The following SORCS1 variants were observed in gnomAD, a reference collection of about 807,000 sequenced individuals.
SORCS1 encodes VPS10 domain-containing receptor SorCS1.
Under a neutral mutation model 146.1 loss-of-function variants are expected in SORCS1, and 60 were observed. That is an observed-to-expected ratio of 0.41 (90% CI 0.33 to 0.51). The LOEUF (loss-of-function observed/expected upper bound fraction) is 0.51. Among genes scored for constraint, SORCS1 ranks in the 20% least tolerant of loss-of-function variants. The probability of loss-of-function intolerance (pLI) is 0.21; values close to 1 mark genes in which losing one functional copy is unlikely to be tolerated. For missense variants in SORCS1, 1,352 were observed against 1,487.6 expected (o/e 0.91, Z 1.50); for synonymous variants, 637 against 584.0 (o/e 1.09, Z -1.31).
At chr10:106,909,237 C>G (rs780416606) in intron 2 of SORCS1, among the ~76,000 whole-genome samples, 1 of 152,226 alleles carries the variant, frequency 6.6e-6, no homozygotes, top group Non-Finnish European at 1.5e-5. Flanking sequence ...GCCTGGCTGC[C>G]TTGCTTGCCC....
intron 6 of SORCS1, among the ~76,000 whole-genome samples, chr10:106,720,906 G>T (rs1255054096): frequency 1.3e-5 from 2 of 151,956 alleles, no homozygotes; most frequent in Non-Finnish European, 2.9e-5. Flanking sequence ...TCACTATCAG[G>T]CTTTTCAATG....
intron 23 of SORCS1, among the ~76,000 whole-genome samples, chr10:106,597,814 TAATA>T (rs1404904697): frequency 6.6e-6 from 1 of 152,222 alleles, no homozygotes; most frequent in Non-Finnish European, 1.5e-5. Context: ...CCGATAAGAT[TAATA>T]TATATTCATT....
At chr10:106,623,985 C>T (rs1847921569) in intron 19 of SORCS1, among the ~76,000 whole-genome samples, 1 of 152,148 alleles carries the variant, frequency 6.6e-6, no homozygotes, top group Admixed American at 6.5e-5. Context: ...GCGCCCAACC[C>T]TCACTCAATA....
chr10:106,777,411 A>G (rs1860528424), intron 3 of SORCS1, among the ~76,000 whole-genome samples: 1 of 152,232 alleles, frequency 6.6e-6, no homozygotes, highest in Non-Finnish European at 1.5e-5. Context: ...ACTAAGGTCC[A>G]GTATGCATGG....
At chr10:106,851,331 A>C (rs1054427167) in intron 2 of SORCS1, among the ~76,000 whole-genome samples, 2 of 152,148 alleles carry the variant, frequency 1.3e-5, no homozygotes, top group East Asian at 3.8e-4. Context: ...TCTGCATTTT[A>C]CATTTAGGTC....
Position 106,577,459 on chromosome 10 carries a change from C to T in SORCS1, c.3468G>A (p.Thr1156=), listed in dbSNP as rs931166469. ...QRARHATPPS[T]PKRGSAGAQY... ...GTGCCCCAGCAGATCCCCGCTTTGG[C>T]GTTGAAGGCGGAGTGGCGTGTCTTG... Residue 1156 remains threonine (T), a synonymous_variant, in exon 26 of 26, where the codon ACG becomes ACA. Coordinates refer to ENST00000263054, the MANE Select transcript of SORCS1 (RefSeq NM_052918.5). 1.5e-5 allele frequency: 23 copies of T among 1,537,970 alleles called. No individual in the cohort carries two copies. The highest frequency in any genetic ancestry group is 2.8e-5 in the African/African-American group (2 of 71,890).
rs375954320 is a variant in SORCS1 at position 106,577,287 on chromosome 10, T to C, written c.*133A>G. ...TCTCAGCAACTATGGAAATACTTCC[T>C]GGCAAAATAGGAAACAGAACAACAA... is the stretch of plus-strand genomic sequence containing the variant. On this transcript the variant is annotated 3_prime_UTR_variant, in exon 26 of 26. Coordinates refer to ENST00000263054, the MANE Select transcript of SORCS1 (RefSeq NM_052918.5). The C allele has an allele frequency of 6.2e-7, 1 of 1,607,974 alleles. No individual in the cohort carries two copies. Among genetic ancestry groups the C allele is most frequent in the Non-Finnish European group, 8.5e-7 (1 of 1,176,636 alleles).
chr10:106,984,118 G>C (rs1379958278), intron 1 of SORCS1, among the ~76,000 whole-genome samples: 1 of 152,096 alleles, frequency 6.6e-6, no homozygotes, highest in Non-Finnish European at 1.5e-5. Context: ...ATTTTAAAAG[G>C]CTGACATATT....
chr10:107,037,331 C>A (rs1261244110), intron 1 of SORCS1, among the ~76,000 whole-genome samples: 1 of 152,208 alleles, frequency 6.6e-6, no homozygotes, highest in African/African-American at 2.4e-5. Flanking sequence ...CATGGTGACA[C>A]AAGTTATGTA....
chr10:107,089,856 A>G (rs772883710), intron 1 of SORCS1, among the ~76,000 whole-genome samples: 4 of 152,238 alleles, frequency 2.6e-5, no homozygotes, highest in Non-Finnish European at 4.4e-5. Flanking sequence ...AAGTTCTTAC[A>G]GTCTCAAAAT....
intron 4 of SORCS1, among the ~76,000 whole-genome samples, chr10:106,766,429 T>A (rs1859579161): frequency 1.3e-5 from 2 of 152,194 alleles, no homozygotes; most frequent in African/African-American, 4.8e-5. Flanking sequence ...ATGCCAGGCC[T>A]GAGGCATCAC....
At chr10:106,866,360 A>G (rs1442131390) in intron 2 of SORCS1, among the ~76,000 whole-genome samples, 1 of 152,134 alleles carries the variant, frequency 6.6e-6, no homozygotes. Flanking sequence ...GGTTGGGCCC[A>G]TCGCACAGAC....
At chr10:106,975,056 C>G (rs1955936521) in intron 1 of SORCS1, among the ~76,000 whole-genome samples, 2 of 152,172 alleles carry the variant, frequency 1.3e-5, no homozygotes, top group Non-Finnish European at 2.9e-5. Flanking sequence ...AGGCCAAAGG[C>G]TTGGGTTTTA....
At chr10:107,131,920 A>G (rs1468517882) in intron 1 of SORCS1, among the ~76,000 whole-genome samples, 1 of 152,156 alleles carries the variant, frequency 6.6e-6, no homozygotes, top group African/African-American at 2.4e-5. Flanking sequence ...TTTCTTGTCC[A>G]CTGCCCTTAG....
intron 6 of SORCS1, among the ~76,000 whole-genome samples, chr10:106,722,548 G>A (rs536981623): frequency 6.6e-6 from 1 of 152,302 alleles, no homozygotes; most frequent in East Asian, 1.9e-4. Context: ...CATTTTCACA[G>A]TTGGTTAAAG....
At chr10:106,979,669 C>G (rs1956172331) in intron 1 of SORCS1, among the ~76,000 whole-genome samples, 1 of 152,172 alleles carries the variant, frequency 6.6e-6, no homozygotes, top group African/African-American at 2.4e-5. Context: ...GTGGCAGCTA[C>G]CTGCTGCTTG....
At chr10:107,178,718 C>G in the SORCS1 span, among the ~76,000 whole-genome samples, 4 of 152,038 alleles carry the variant, frequency 2.6e-5, no homozygotes, top group African/African-American at 4.8e-5. Context: ...AAACTCCTGA[C>G]CTCAAGTGAT....
intron 1 of SORCS1, among the ~76,000 whole-genome samples, chr10:107,091,963 G>A (rs1295465154): frequency 1.3e-5 from 2 of 152,228 alleles, no homozygotes; most frequent in African/African-American, 4.8e-5. Flanking sequence ...ACACGACACT[G>A]CACATCAGTA....
intron 3 of SORCS1, among the ~76,000 whole-genome samples, chr10:106,824,521 G>A (rs187343281): frequency 1.1e-3 from 173 of 151,336 alleles, no homozygotes; most frequent in African/African-American, 3.8e-3. Context: ...CCCGGGAGGC[G>A]GAGGTTGCAG....
Sources: gnomAD v4.1 joint callset for allele counts (sites outside exome capture counted in the v4.1 genomes callset) on GRCh38, gnomAD v4.1.1 for gene constraint, MANE v1.5 for transcripts, NCBI Gene and HGNC (gene_info 2026-07-23, HGNC 2026-07-21) for gene names.